The following DYM variants were observed in gnomAD, a reference collection of about 807,000 sequenced individuals.
DYM encodes the protein dyggve-Melchior-Clausen syndrome protein.
A neutral mutation model predicts 93.1 loss-of-function variants in DYM; 78 were observed. The observed-to-expected ratio is 0.84, with a 90% CI of 0.70 to 1.01. DYM has a LOEUF of 1.01. Ranked by LOEUF, DYM falls within the 50% of genes least tolerant of loss-of-function variation. The probability of loss-of-function intolerance (pLI) is 0.00; values close to 1 mark genes in which losing one functional copy is unlikely to be tolerated. For synonymous variants in DYM, 321 were observed against 319.7 expected, an observed-to-expected ratio of 1.00 and a Z score of -0.04; for missense variants, 789 against 845.0, an observed-to-expected ratio of 0.93 and a Z score of 0.82.
intron 15 of DYM, among the ~76,000 whole-genome samples, chr18:49,120,094 A>AC (rs1160948725): frequency 2.0e-5 from 3 of 150,868 alleles, no homozygotes; most frequent in African/African-American, 7.3e-5. Context: ...AAAAAAAAAA[A>AC]AGAAAAAAAA....
intron 13 of DYM, among the ~76,000 whole-genome samples, chr18:49,232,534 A>T (rs2093728833): frequency 6.8e-6 from 1 of 146,046 alleles, no homozygotes; most frequent in South Asian, 2.2e-4. Context: ...CAATCTCCTG[A>T]CCTCGTGATC....
rs1568326478 is a variant in DYM, at chr18:49,041,317, T to C, written c.*2738A>G. ...ATATTGTGGCAGAAGTCTTTGTTGA[T>C]AAAATGACACAATGCAGTAACAGCT... On this transcript the variant is annotated 3_prime_UTR_variant, in exon 18 of 18. Transcript: ENST00000675505. Among the ~76,000 whole-genome samples, 1 of 152,208 alleles carries C rather than the reference T, an allele frequency of 6.6e-6. No individual in the cohort carries two copies. Among genetic ancestry groups the C allele is most frequent in the South Asian group, 2.1e-4 (1 of 4,834 alleles).
At chr18:49,288,881 T>C (rs951311006) in intron 8 of DYM, among the ~76,000 whole-genome samples, 2 of 152,298 alleles carry the variant, frequency 1.3e-5, no homozygotes, top group African/African-American at 2.4e-5. Context: ...CAAGACTTTA[T>C]GTGATATTTT....
intron 1 of DYM, among the ~76,000 whole-genome samples, chr18:49,456,531 A>G (rs2083000461): frequency 6.6e-6 from 1 of 152,230 alleles, no homozygotes; most frequent in Non-Finnish European, 1.5e-5. Flanking sequence ...AAAAGAAAAG[A>G]TAAGCTTTTT....
rs928101666 is a variant in DYM at position 49,414,953 on chromosome 18, A to G, written c.140+15302T>C. 5.3e-5 allele frequency among the ~76,000 whole-genome samples: 8 copies of G among 152,164 alleles called. No individual in the cohort carries two copies. The East Asian group carries it at 7.7e-4, about 15-fold the overall frequency. ...GTCCCTAGCAACTAGAAGACATTCC[A>G]TAACTATTTTTTTAGGTATATTAAT... On this transcript the variant is annotated intron_variant, in intron 2 of 17. Coordinates refer to ENST00000675505, the MANE Select transcript of DYM (RefSeq NM_001353214.3).
intron 13 of DYM, among the ~76,000 whole-genome samples, chr18:49,232,851 C>T (rs938059623): frequency 9.3e-4 from 141 of 151,680 alleles, no homozygotes; most frequent in African/African-American, 3.2e-3. Context: ...TCAGGTGATC[C>T]GCCCACCTCA....
rs774517577 is a variant in DYM at position 49,209,728 on chromosome 18, G to T, written c.1461-13C>A. 1 of 1,237,210 alleles carries T rather than the reference G, an allele frequency of 8.1e-7. No homozygotes were observed. Among genetic ancestry groups the T allele is most frequent in the South Asian group, 1.4e-5 (1 of 73,252 alleles). 76.6% of individuals were successfully genotyped at this position (1,237,210 alleles called of 1,614,324 possible). Reference sequence around the variant, plus strand: ...GCGGCAGGTATAACTGAAAGACAAAGGTAAAAGGAGAGAAACAGAAAGAGA... The same window carrying T: ...GCGGCAGGTATAACTGAAAGACAAATGTAAAAGGAGAGAAACAGAAAGAGA... On this transcript the variant is annotated splice_polypyrimidine_tract_variant and intron_variant, in intron 13 of 17. Coordinates refer to ENST00000675505, the MANE Select transcript of DYM (RefSeq NM_001353214.3).
intron 1 of DYM, among the ~76,000 whole-genome samples, chr18:49,431,457 T>C (rs140003359): frequency 5.2e-4 from 79 of 152,288 alleles, no homozygotes; most frequent in Non-Finnish European, 3.2e-4. Context: ...CAAAAGTCAG[T>C]ATTGGTTGTT....
chr18:49,108,765 A>G (rs1355820724), intron 16 of DYM, among the ~76,000 whole-genome samples: 1 of 152,216 alleles, frequency 6.6e-6, no homozygotes, highest in Non-Finnish European at 1.5e-5. Flanking sequence ...CTTCTGTATC[A>G]TCACAAATTT....
At chr18:49,292,330 AGGCAGG>A (rs1599180783) in intron 8 of DYM, among the ~76,000 whole-genome samples, 1 of 86,292 alleles carries the variant, frequency 1.2e-5, no homozygotes, top group East Asian at 2.5e-4. Flanking sequence ...GCAGGCAGGC[AGGCAGG>A]CAGACAGACA....
intron 1 of DYM, among the ~76,000 whole-genome samples, chr18:49,435,085 A>AT (rs113586404): frequency 0.091 from 13,748 of 151,260 alleles, 833 homozygotes; most frequent in East Asian, 0.31. Context: ...GTGTGCGCCT[A>AT]TAATCCCAGC....
At chr18:49,229,097 A>C (rs148706565) in intron 13 of DYM, among the ~76,000 whole-genome samples, 41 of 151,848 alleles carry the variant, frequency 2.7e-4, no homozygotes, top group Non-Finnish European at 4.4e-4. Context: ...AAATGATTCT[A>C]TATTATTTAT....
intron 2 of DYM, among the ~76,000 whole-genome samples, chr18:49,399,878 G>A (rs2070567146): frequency 6.7e-6 from 1 of 149,776 alleles, no homozygotes; most frequent in Non-Finnish European, 1.5e-5. Flanking sequence ...AAGGTCTGCC[G>A]CTCAAGTTTA....
chr18:49,202,627 G>T (rs1386333541), intron 14 of DYM, among the ~76,000 whole-genome samples: 1 of 118,298 alleles, frequency 8.5e-6, no homozygotes, highest in Non-Finnish European at 1.8e-5. Context: ...GAGATGTGGG[G>T]AGCGCCTCTG....
chr18:49,098,381 C>A (rs1289501960), intron 16 of DYM, among the ~76,000 whole-genome samples: 2 of 152,136 alleles, frequency 1.3e-5, no homozygotes, highest in African/African-American at 4.8e-5. Context: ...TATGCATTTT[C>A]TTTCAGAATT....
chr18:49,241,826 T>C (rs951125061), intron 13 of DYM, among the ~76,000 whole-genome samples: 1 of 152,216 alleles, frequency 6.6e-6, no homozygotes, highest in African/African-American at 2.4e-5. Flanking sequence ...TCTTCAAACA[T>C]ATTTCGAATT....
chr18:49,225,042 G>A (rs903616280), intron 13 of DYM, among the ~76,000 whole-genome samples: 1 of 152,072 alleles, frequency 6.6e-6, no homozygotes, highest in Non-Finnish European at 1.5e-5. Flanking sequence ...GAGGTCACTG[G>A]TGACCAACAA....
chr18:49,105,078 A>C (rs917854345), intron 16 of DYM, among the ~76,000 whole-genome samples: 2 of 152,134 alleles, frequency 1.3e-5, no homozygotes, highest in Non-Finnish European at 2.9e-5. Context: ...TTATTGCCTC[A>C]ATTTCAGAGC....
chr18:49,335,062 G>A (rs935208203), intron 6 of DYM, among the ~76,000 whole-genome samples: 3 of 152,088 alleles, frequency 2.0e-5, no homozygotes, highest in Non-Finnish European at 2.9e-5. Flanking sequence ...AGCCAAGATC[G>A]TGCCATTGCA....
Sources: gnomAD v4.1 joint callset for allele counts (sites outside exome capture counted in the v4.1 genomes callset) on GRCh38, gnomAD v4.1.1 for gene constraint, MANE v1.5 for transcripts, NCBI Gene and HGNC (gene_info 2026-07-23, HGNC 2026-07-21) for gene names.